The following VWA2 variants were observed in gnomAD, a reference collection of about 807,000 sequenced individuals.
VWA2 encodes the protein von Willebrand factor A domain-containing protein 2.
Under a neutral mutation model 70.4 loss-of-function variants are expected in VWA2, and 73 were observed. The ratio of observed to expected loss-of-function variants is 1.04; its 90% CI spans 0.86 to 1.26. VWA2 has a LOEUF of 1.26. Among genes scored for constraint, VWA2 ranks in the 50% most tolerant of loss-of-function variants. The probability of loss-of-function intolerance (pLI) is 0.00; values close to 1 mark genes in which losing one functional copy is unlikely to be tolerated. For synonymous variants in VWA2, 407 were observed against 423.3 expected (o/e 0.96, Z 0.47); for missense variants, 1,011 against 998.5 (o/e 1.01, Z -0.17).
chr10:114,290,117 A>C, intron 12 of VWA2, 123 bp from the exon 13 acceptor site: 1 of 1,334,164 alleles, frequency 7.5e-7, no homozygotes, highest in Non-Finnish European at 1.0e-6. Context: ...ACCATGAGCT[A>C]CCGGGGCAAA....
At chr10:114,278,124 C>T in intron 7 of VWA2, 77 bp downstream of exon 7, 1 of 1,538,586 alleles carries the variant, frequency 6.5e-7, no homozygotes, top group East Asian at 2.3e-5. Context: ...GAGGTCAGGA[C>T]CCAGGAGCCT....
intron 9 of VWA2, 67 bp from the exon 10 acceptor site, chr10:114,284,796 C>A: frequency 1.4e-6 from 2 of 1,469,160 alleles, no homozygotes; most frequent in Non-Finnish European, 1.8e-6. Context: ...GCACCCACAC[C>A]TCTGGCCAGT....
intron 4 of VWA2, among the ~76,000 whole-genome samples, chr10:114,257,596 C>T (rs910631788): frequency 1.3e-5 from 2 of 152,172 alleles, no homozygotes; most frequent in African/African-American, 2.4e-5. Context: ...TGACTCAGCC[C>T]AGGACTTGCT....
At chr10:114,261,632 C>A (rs766294348) in intron 5 of VWA2, among the ~76,000 whole-genome samples, 4 of 152,192 alleles carry the variant, frequency 2.6e-5, no homozygotes, top group Non-Finnish European at 4.4e-5. Context: ...CCATTTCTGT[C>A]CCTTGTGACC....
intron 12 of VWA2, 112 bp from the exon 13 acceptor site, chr10:114,290,128 G>T: frequency 1.4e-6 from 2 of 1,420,956 alleles, no homozygotes; most frequent in Non-Finnish European, 1.9e-6. Flanking sequence ...CCGGGGCAAA[G>T]GGAGACATGA....
intron 6 of VWA2, among the ~76,000 whole-genome samples, chr10:114,274,938 C>T (rs1432973050): frequency 1.3e-5 from 2 of 152,006 alleles, no homozygotes; most frequent in Admixed American, 6.6e-5. Context: ...AAGATGACAA[C>T]GGGGGAAGAG....
At chr10:114,261,108 T>C in intron 4 of VWA2, 78 bp from the exon 5 acceptor site, 1 of 1,075,194 alleles carries the variant, frequency 9.3e-7, no homozygotes, top group Non-Finnish European at 1.4e-6. Flanking sequence ...GTTGTTAACT[T>C]TTCTTGCCCC....
chr10:114,258,039 A>G (rs142378667), intron 4 of VWA2, among the ~76,000 whole-genome samples: 76 of 152,360 alleles, frequency 5.0e-4, no homozygotes, highest in African/African-American at 1.8e-3. Context: ...TCTTGCAGCA[A>G]GACTTGGGAA....
intron 4 of VWA2, among the ~76,000 whole-genome samples, chr10:114,259,846 C>T (rs541093240): frequency 6.6e-6 from 1 of 152,146 alleles, no homozygotes; most frequent in Non-Finnish European, 1.5e-5. Flanking sequence ...CCAATGTGTC[C>T]ACTGAAGACT....
intron 2 of VWA2, among the ~76,000 whole-genome samples, chr10:114,251,512 A>C (rs902897275): frequency 6.6e-6 from 1 of 152,200 alleles, no homozygotes; most frequent in African/African-American, 2.4e-5. Flanking sequence ...GTTTGCTGGT[A>C]AGATATTTTA....
rs545227823 is a variant in VWA2 at position 114,273,014 on chromosome 10, G to T, written c.566+80G>T. On this transcript the variant is annotated intron_variant, in intron 6 of 13. Transcript: ENST00000392982. ...GACATGGCCATGGGAGGGAAGGGAGGGGACTGGAAGAGCCGTCCAGGTCCT... is the reference window on the plus strand; with the variant it reads ...GACATGGCCATGGGAGGGAAGGGAGTGGACTGGAAGAGCCGTCCAGGTCCT... 37 of 1,327,708 alleles carry T rather than the reference G, an allele frequency of 2.8e-5. No individual in the cohort carries two copies. In the East Asian group the frequency reaches 5.7e-4, roughly 20 times the overall value. The allele number at this position is 1,327,708 out of a possible 1,614,324, so 82.2% of individuals were successfully genotyped here.
chr10:114,278,838 T>C lies in VWA2; in HGVS notation c.820T>C (p.Cys274Arg), dbSNP rs534395472. 3.3e-5 allele frequency: 53 copies of C among 1,613,130 alleles called. No individual in the cohort carries two copies. The highest frequency in any genetic ancestry group is 4.4e-5 in the Non-Finnish European group (52 of 1,180,026). ...RRTLAVLAAH[C>R]PFYSWKRVFL... ...GACCCTTGCGGTGCTGGCTGCACAC[T>C]GTCCCTTCTACAGGTTTGTCTGCGC... Residue 274 changes from cysteine (C) to arginine (R), a missense_variant, in exon 8 of 14, where the codon TGT (cysteine) becomes CGT (arginine). Coordinates refer to ENST00000392982, the MANE Select transcript of VWA2 (RefSeq NM_001272046.2).
rs1479764204 is a variant in VWA2 at position 114,270,925 on chromosome 10, C to T, written c.372-1815C>T. ...TGCTTACCTGTGTCTTTGCTTTAAC[C>T]CCTTCCTGTAATCAGAATGGCCTCT... On this transcript the variant is annotated intron_variant, in intron 5 of 13. Coordinates refer to ENST00000392982, the MANE Select transcript of VWA2 (RefSeq NM_001272046.2). 2.0e-5 allele frequency among the ~76,000 whole-genome samples: 3 copies of T among 152,142 alleles called. No homozygotes were observed. The East Asian group carries it at 5.8e-4, about 29-fold the overall frequency.
intron 5 of VWA2, among the ~76,000 whole-genome samples, chr10:114,271,053 G>A (rs1055436305): frequency 1.1e-4 from 16 of 151,868 alleles, no homozygotes; most frequent in Non-Finnish European, 1.8e-4. Context: ...CTGCTCCTCC[G>A]AATTCCTATT....
At chr10:114,271,866 G>A (rs2037717944) in intron 5 of VWA2, among the ~76,000 whole-genome samples, 1 of 152,132 alleles carries the variant, frequency 6.6e-6, no homozygotes, top group African/African-American at 2.4e-5. Flanking sequence ...AATTCCATCA[G>A]CCTCACATTG....
chr10:114,239,777 G>C (rs1261469673), intron 1 of VWA2, among the ~76,000 whole-genome samples: 1 of 152,196 alleles, frequency 6.6e-6, no homozygotes, highest in African/African-American at 2.4e-5. Flanking sequence ...CGGCGGCGTC[G>C]GGGGAAGAGC....
intron 4 of VWA2, among the ~76,000 whole-genome samples, chr10:114,258,680 G>C (rs1589748060): frequency 6.6e-6 from 1 of 152,134 alleles, no homozygotes; most frequent in Non-Finnish European, 1.5e-5. Flanking sequence ...TCAATAAAAA[G>C]ATGTACAGTG....
At chr10:114,261,508 TA>T (rs34018253) in intron 5 of VWA2, among the ~76,000 whole-genome samples, 2 of 152,088 alleles carry the variant, frequency 1.3e-5, no homozygotes, top group East Asian at 1.9e-4. Flanking sequence ...TAAATGCAAG[TA>T]AAAAAATTGC....
At chr10:114,245,526 C>T (rs914050264) in intron 1 of VWA2, among the ~76,000 whole-genome samples, 1 of 152,124 alleles carries the variant, frequency 6.6e-6, no homozygotes, top group African/African-American at 2.4e-5. Context: ...AGCTCTTCAC[C>T]GCATCCTCAA....
Sources: allele counts gnomAD v4.1 joint callset (sites outside exome capture counted in the v4.1 genomes callset), GRCh38; gene constraint gnomAD v4.1.1; transcripts MANE v1.5; gene names NCBI Gene and HGNC (gene_info 2026-07-23, HGNC 2026-07-21).